Variants in PGM5 observed in about 807,000 individuals in gnomAD.
PGM5 encodes the protein phosphoglucomutase 5.
In PGM5, 23 loss-of-function variants were observed where a neutral mutation model predicts 59.2. That is an observed-to-expected ratio of 0.39 (90% CI 0.28 to 0.55). The LOEUF is 0.55. Ranked by LOEUF, PGM5 falls within the 20% of genes least tolerant of loss-of-function variation. The pLI is 0.66. For missense variants in PGM5, 574 were observed against 748.3 expected (o/e 0.77, Z 2.72); for synonymous variants, 214 against 286.0 (o/e 0.75, Z 2.54).
chr9:68,417,716 A>G (rs528416149), intron 6 of PGM5, among the ~76,000 whole-genome samples: 20 of 152,310 alleles, frequency 1.3e-4, no homozygotes, highest in Admixed American at 1.2e-3. Flanking sequence ...TGCTTCAGCT[A>G]TAGCCGCTGA....
chr9:68,479,922 CA>C (rs60645209), intron 8 of PGM5, among the ~76,000 whole-genome samples: 235 of 53,822 alleles, frequency 4.4e-3, no homozygotes, highest in Middle Eastern at 0.013. Context: ...GACTCCGTCT[CA>C]AAAAAAAAAA....
chr9:68,461,996 A>G (rs1344229343), intron 6 of PGM5, among the ~76,000 whole-genome samples: 2 of 152,112 alleles, frequency 1.3e-5, no homozygotes, highest in Non-Finnish European at 2.9e-5. Context: ...AGCATAGAAT[A>G]CATAGGGAGT....
chr9:68,471,810 T>G (rs1317500484), intron 7 of PGM5, among the ~76,000 whole-genome samples: 1 of 151,816 alleles, frequency 6.6e-6, no homozygotes, highest in African/African-American at 2.4e-5. Context: ...TCCCAGCTAC[T>G]CGGGAGGTTG....
chr9:68,379,806 C>G (rs1390570748), intron 2 of PGM5, among the ~76,000 whole-genome samples: 1 of 151,970 alleles, frequency 6.6e-6, no homozygotes, highest in African/African-American at 2.4e-5. Context: ...GATGCCTATA[C>G]TTATATCAGA....
chr9:68,466,018 T>C lies in PGM5; in HGVS notation c.1159+810T>C, dbSNP rs185073568. 378 of 549,080 alleles carry C rather than the reference T, an allele frequency of 6.9e-4. 3 individuals carry two copies. Among genetic ancestry groups the C allele is most frequent in the African/African-American group, 6.6e-3 (332 of 50,216 alleles). 34.0% of individuals were successfully genotyped at this position (549,080 alleles called of 1,614,324 possible). ...TAGGAAATGCTCAGCTATTATTTTT[T>C]CAAATATTTCTCCTTCCCCATTCTT... On this transcript the variant is annotated intron_variant, in intron 7 of 10. Coordinates refer to ENST00000396396, the MANE Select transcript of PGM5 (RefSeq NM_021965.4).
In PGM5 at chr9:68,494,815, T is replaced by C. The variant is rs116497533; in HGVS notation, c.1480-4412T>C. On this transcript the variant is annotated intron_variant, in intron 9 of 10. Coordinates refer to ENST00000396396, the MANE Select transcript of PGM5 (RefSeq NM_021965.4). ...ATGCTATGCCAGGCACTTTCTTAGT[T>C]TATCTTTTGCAACCACTCTTCAAGG... Among the ~76,000 whole-genome samples the C allele has an allele frequency of 8.6e-3, 1,304 of 152,280 alleles. 11 individuals carry two copies. The highest frequency in any genetic ancestry group is 0.03 in the African/African-American group (1,238 of 41,556).
intron 10 of PGM5, among the ~76,000 whole-genome samples, chr9:68,515,348 A>G (rs1554689634): frequency 7.2e-5 from 11 of 152,200 alleles, no homozygotes; most frequent in Non-Finnish European, 1.5e-5. Context: ...TGACTGTCCC[A>G]CTACTGCCTC....
chr9:68,453,520 CT>C (rs1480670698), intron 6 of PGM5, among the ~76,000 whole-genome samples: 22 of 151,876 alleles, frequency 1.4e-4, no homozygotes, highest in African/African-American at 4.8e-4. Context: ...AGTATTTTTT[CT>C]TTTTTTGAGC....
chr9:68,461,765 T>A (rs1587817751), intron 6 of PGM5, among the ~76,000 whole-genome samples: 1 of 151,848 alleles, frequency 6.6e-6, no homozygotes, highest in African/African-American at 2.4e-5. Context: ...ATAAATTATC[T>A]AGTATCAGCT....
At chr9:68,402,242 T>A (rs2770858) in intron 6 of PGM5, among the ~76,000 whole-genome samples, 2 of 125,396 alleles carry the variant, frequency 1.6e-5, no homozygotes, top group Non-Finnish European at 3.5e-5. Flanking sequence ...CCAGCCTGGG[T>A]GACAGAGTGA....
At chr9:68,446,077 G>A (rs1823606670) in intron 6 of PGM5, among the ~76,000 whole-genome samples, 1 of 152,120 alleles carries the variant, frequency 6.6e-6, no homozygotes, top group African/African-American at 2.4e-5. Context: ...GGCTTTTTGA[G>A]GCAAGATAGA....
intron 1 of PGM5, among the ~76,000 whole-genome samples, chr9:68,377,378 C>G (rs1271739929): frequency 6.6e-6 from 1 of 152,106 alleles, no homozygotes; most frequent in Non-Finnish European, 1.5e-5. Context: ...CCAGAGATTG[C>G]AATATAATCA....
At chr9:68,518,971 A>G (rs1230363526) in intron 10 of PGM5, among the ~76,000 whole-genome samples, 1 of 152,258 alleles carries the variant, frequency 6.6e-6, no homozygotes, top group Non-Finnish European at 1.5e-5. Flanking sequence ...ATAAATTCAC[A>G]TCTAGACACA....
intron 6 of PGM5, among the ~76,000 whole-genome samples, chr9:68,418,265 GTTGT>G (rs782270116): frequency 5.9e-5 from 9 of 152,136 alleles, no homozygotes; most frequent in Non-Finnish European, 1.3e-4. Flanking sequence ...CAACTAGAAT[GTTGT>G]TGTATTTACT....
At chr9:68,445,241 C>G (rs1554683946) in intron 6 of PGM5, among the ~76,000 whole-genome samples, 1 of 151,980 alleles carries the variant, frequency 6.6e-6, no homozygotes, top group African/African-American at 2.4e-5. Context: ...ATGCAGATTT[C>G]AGGGCCCCAT....
At chr9:68,404,605 G>T (rs1240976710) in intron 6 of PGM5, among the ~76,000 whole-genome samples, 4 of 152,164 alleles carry the variant, frequency 2.6e-5, no homozygotes, top group African/African-American at 7.2e-5. Flanking sequence ...CACAGGTGAG[G>T]GTGGAATCCA....
chr9:68,379,070 AAAAG>A (rs1285686236), intron 2 of PGM5, among the ~76,000 whole-genome samples: 1 of 152,218 alleles, frequency 6.6e-6, no homozygotes, highest in Non-Finnish European at 1.5e-5. Context: ...GCATCTCTAA[AAAAG>A]AAAGACACAT....
intron 8 of PGM5, among the ~76,000 whole-genome samples, chr9:68,482,995 A>G (rs1234291524): frequency 6.6e-6 from 1 of 152,172 alleles, no homozygotes; most frequent in East Asian, 1.9e-4. Context: ...AACAATTGTG[A>G]TATTTCTTCC....
chr9:68,466,525 A>G (rs1823937929), intron 7 of PGM5: 2 of 167,898 alleles, frequency 1.2e-5, no homozygotes, highest in African/African-American at 4.8e-5. Flanking sequence ...ATTTTTATTG[A>G]ATGCTGAATA....
Sources: gnomAD v4.1 joint callset for allele counts (sites outside exome capture counted in the v4.1 genomes callset) on GRCh38, gnomAD v4.1.1 for gene constraint, MANE v1.5 for transcripts, NCBI Gene and HGNC (gene_info 2026-07-23, HGNC 2026-07-21) for gene names.